GALNT13: variants seen among roughly 807,000 people sequenced by gnomAD.
GALNT13 encodes UDP-GalNAc:polypeptide N-acetylgalactosaminyltransferase 13.
A neutral mutation model predicts 64.2 loss-of-function variants in GALNT13; 28 were observed. The ratio of observed to expected loss-of-function variants is 0.44; its 90% CI spans 0.32 to 0.60. GALNT13 has a LOEUF of 0.60. Among genes scored for constraint, GALNT13 ranks in the 20% least tolerant of loss-of-function variants. The probability of loss-of-function intolerance (pLI) is 0.05; values close to 1 mark genes in which losing one functional copy is unlikely to be tolerated. For synonymous variants in GALNT13, 214 were observed against 224.6 expected (o/e 0.95, Z 0.42); for missense variants, 577 against 669.8 (o/e 0.86, Z 1.53).
chr2:154,396,141 T>C lies in GALNT13; in HGVS notation c.1296+11T>C, dbSNP rs13026208. 202,190 of 1,557,830 alleles carry C rather than the reference T, an allele frequency of 0.13. 14,050 individuals carry two copies. Among genetic ancestry groups the C allele is most frequent in the Non-Finnish European group, 0.14 (161,721 of 1,155,474 alleles). On this transcript the variant is annotated intron_variant, in intron 10 of 12. Transcript: ENST00000392825. ...TACTCACTTGGTGAGGTATGAATTA[T>C]TTATTTTGGTTAAGTTATAAATATA...
the GALNT13 span, chr2:153,421,096 G>T: frequency 3.8e-6 from 1 of 259,960 alleles, no homozygotes; most frequent in South Asian, 5.0e-5. Context: ...TTACCATAGT[G>T]AGAGTCACAT....
the GALNT13 span, among the ~76,000 whole-genome samples, chr2:153,788,752 G>T: frequency 1.3e-5 from 2 of 152,028 alleles, no homozygotes; most frequent in African/African-American, 4.8e-5. Flanking sequence ...GGGATGGAGG[G>T]AAATCTGCCG....
At chr2:154,211,629 C>CAAAAGAAAAAAAAAAAAA (rs1687770901) in intron 4 of GALNT13, among the ~76,000 whole-genome samples, 1 of 37,946 alleles carries the variant, frequency 2.6e-5, no homozygotes, top group Non-Finnish European at 4.4e-5. Flanking sequence ...ACTCCATCTC[C>CAAAAGAAAAAAAAAAAAA]AAAAAAAAAA....
At chr2:153,883,077 T>TTATA (rs57783197) in intron 1 of GALNT13, among the ~76,000 whole-genome samples, 238 of 144,208 alleles carry the variant, frequency 1.7e-3, no homozygotes, top group African/African-American at 4.3e-3. Context: ...TATATGTATA[T>TTATA]TATATATATA....
the GALNT13 span, among the ~76,000 whole-genome samples, chr2:153,310,704 A>T: frequency 3.9e-5 from 6 of 152,206 alleles, no homozygotes; most frequent in Non-Finnish European, 7.3e-5. Context: ...TATTAGCAAT[A>T]TAGCCTACTG....
At chr2:153,517,181 A>C in the GALNT13 span, among the ~76,000 whole-genome samples, 1 of 152,180 alleles carries the variant, frequency 6.6e-6, no homozygotes, top group East Asian at 1.9e-4. Context: ...CATAAAAAAT[A>C]GTACATATAC....
chr2:153,136,366 A>G, the GALNT13 span, among the ~76,000 whole-genome samples: 3 of 152,066 alleles, frequency 2.0e-5, no homozygotes, highest in African/African-American at 7.2e-5. Flanking sequence ...TAAAATCCTG[A>G]GATAATCTGC....
the GALNT13 span, among the ~76,000 whole-genome samples, chr2:153,519,535 T>C: frequency 0.082 from 12,466 of 152,220 alleles, 557 homozygotes; most frequent in East Asian, 0.21. Context: ...TTGTTGCCCT[T>C]TCATGGGCTT....
At chr2:154,078,232 C>A (rs1701091462) in intron 3 of GALNT13, among the ~76,000 whole-genome samples, 1 of 151,464 alleles carries the variant, frequency 6.6e-6, no homozygotes. Flanking sequence ...CATTTAAATT[C>A]ACCACACATT....
At chr2:154,328,752 C>G (rs924452103) in intron 9 of GALNT13, among the ~76,000 whole-genome samples, 2 of 152,096 alleles carry the variant, frequency 1.3e-5, no homozygotes, top group African/African-American at 4.8e-5. Context: ...ACATTACAAC[C>G]CACAAAGTCC....
chr2:154,435,249 G>A (rs1273301059), intron 11 of GALNT13, among the ~76,000 whole-genome samples: 2 of 152,196 alleles, frequency 1.3e-5, no homozygotes, highest in African/African-American at 2.4e-5. Flanking sequence ...TGTACAATGA[G>A]ATTTTATTAA....
the GALNT13 span, among the ~76,000 whole-genome samples, chr2:153,373,807 C>G: frequency 5.3e-5 from 8 of 152,090 alleles, no homozygotes; most frequent in Non-Finnish European, 8.8e-5. Context: ...TACTTTCTGT[C>G]TTTATGAATT....
At chr2:153,645,175 C>T in the GALNT13 span, among the ~76,000 whole-genome samples, 2 of 152,212 alleles carry the variant, frequency 1.3e-5, no homozygotes, top group South Asian at 2.1e-4. Context: ...AAGAAAAATA[C>T]GCGCTTCATG....
At chr2:153,283,996 C>T in the GALNT13 span, among the ~76,000 whole-genome samples, 5 of 151,806 alleles carry the variant, frequency 3.3e-5, no homozygotes, top group South Asian at 2.1e-4. Flanking sequence ...GGGGTGGCTG[C>T]GAATGCTCTA....
At chr2:154,153,998 A>T (rs935460770) in intron 4 of GALNT13, among the ~76,000 whole-genome samples, 6 of 152,200 alleles carry the variant, frequency 3.9e-5, no homozygotes, top group Non-Finnish European at 8.8e-5. Flanking sequence ...TCAGATGGAA[A>T]TGCAGAAATC....
At chr2:153,379,115 A>G in the GALNT13 span, among the ~76,000 whole-genome samples, 1 of 152,158 alleles carries the variant, frequency 6.6e-6, no homozygotes, top group Non-Finnish European at 1.5e-5. Context: ...AGGCTCTTCT[A>G]TCTTTAGATG....
chr2:154,352,186 T>A (rs897528626), intron 9 of GALNT13, among the ~76,000 whole-genome samples: 1 of 152,214 alleles, frequency 6.6e-6, no homozygotes, highest in Non-Finnish European at 1.5e-5. Context: ...TACCCAGTAT[T>A]GCTGCACCTG....
the GALNT13 span, among the ~76,000 whole-genome samples, chr2:153,797,711 T>C: frequency 1.3e-5 from 2 of 152,180 alleles, no homozygotes; most frequent in Non-Finnish European, 2.9e-5. Flanking sequence ...CAGTTACATC[T>C]TTAGACAAGA....
At chr2:153,774,766 C>G in the GALNT13 span, among the ~76,000 whole-genome samples, 4 of 152,114 alleles carry the variant, frequency 2.6e-5, no homozygotes, top group African/African-American at 4.8e-5. Flanking sequence ...AACAAAAAAA[C>G]AGGCATGGTG....
Sources: gnomAD v4.1 joint callset for allele counts (sites outside exome capture counted in the v4.1 genomes callset) on GRCh38, gnomAD v4.1.1 for gene constraint, MANE v1.5 for transcripts, NCBI Gene and HGNC (gene_info 2026-07-23, HGNC 2026-07-21) for gene names.